Variants in CDC20B observed in about 807,000 individuals in gnomAD.
CDC20B encodes cell division cycle protein 20 homolog B.
CDC20B carries 58 observed loss-of-function variants against 64.1 expected under a neutral mutation model. The observed-to-expected ratio is 0.90, with a 90% CI of 0.73 to 1.13. CDC20B has a LOEUF of 1.13. Ranked by LOEUF, CDC20B falls within the 50% of genes most tolerant of loss-of-function variation. The pLI, the probability that CDC20B is intolerant of heterozygous loss-of-function variation, is 0.00. For synonymous variants in CDC20B, 243 were observed against 230.6 expected (o/e 1.05, Z -0.49); for missense variants, 597 against 633.0 (o/e 0.94, Z 0.61).
chr5:55,131,239 TA>T (rs1561289527), intron 6 of CDC20B, among the ~76,000 whole-genome samples: 1 of 152,232 alleles, frequency 6.6e-6, no homozygotes, highest in Non-Finnish European at 1.5e-5. Flanking sequence ...AAGATGTTTA[TA>T]TATTGTGTGA....
At chr5:55,142,080 T>C (rs542765282) in intron 4 of CDC20B, among the ~76,000 whole-genome samples, 1 of 152,298 alleles carries the variant, frequency 6.6e-6, no homozygotes, top group Admixed American at 6.5e-5. Flanking sequence ...CACAGCAAGG[T>C]TTAGCAGGCG....
At chr5:55,160,419 T>C in intron 2 of CDC20B, 14 of 1,574,930 alleles carry the variant, frequency 8.9e-6, no homozygotes, top group Non-Finnish European at 1.2e-5. Context: ...ATCTGATTTT[T>C]ATTGTTATCA....
intron 2 of CDC20B, chr5:55,160,134 A>C: frequency 7.5e-7 from 1 of 1,326,818 alleles, no homozygotes; most frequent in Non-Finnish European, 1.1e-6. Context: ...AGCCGGTTTC[A>C]AGTTTCAGCT....
chr5:55,135,900 T>C (rs1001071504), intron 5 of CDC20B: 2 of 151,896 alleles, frequency 1.3e-5, no homozygotes, highest in African/African-American at 2.4e-5. Context: ...TAAAAGTGTG[T>C]ATCTATGTGT....
intron 2 of CDC20B, among the ~76,000 whole-genome samples, chr5:55,152,544 A>G (rs1743695961): frequency 6.6e-6 from 1 of 152,172 alleles, no homozygotes; most frequent in Admixed American, 6.5e-5. Context: ...AAGGATATAG[A>G]GCTAATAGGC....
At chr5:55,117,589 C>T (rs1012265993) in intron 11 of CDC20B, among the ~76,000 whole-genome samples, 3 of 152,024 alleles carry the variant, frequency 2.0e-5, no homozygotes, top group African/African-American at 2.4e-5. Flanking sequence ...ATGTCAAGAG[C>T]GCTGTTCTTG....
At chr5:55,164,438 G>T in intron 2 of CDC20B, 1 of 316,028 alleles carries the variant, frequency 3.2e-6, no homozygotes, top group Non-Finnish European at 5.7e-6. Flanking sequence ...AAGTGGTAAT[G>T]AATGTTCCCA....
At chr5:55,124,253 G>A (rs910469834) in intron 9 of CDC20B, among the ~76,000 whole-genome samples, 1 of 152,040 alleles carries the variant, frequency 6.6e-6, no homozygotes, top group African/African-American at 2.4e-5. Flanking sequence ...CCATCTCTCT[G>A]GCCACAATTA....
Position 55,143,793 on chromosome 5 carries a change from G to A in CDC20B, c.356-150C>T, listed in dbSNP as rs1437652980. 3.1e-5 allele frequency: 21 copies of A among 675,950 alleles called. No individual in the cohort carries two copies. In the East Asian group the frequency reaches 6.1e-4, roughly 19 times the overall value. The allele number at this position is 675,950 out of a possible 1,614,324, so 41.9% of individuals were successfully genotyped here. On this transcript the variant is annotated intron_variant, in intron 3 of 11. Transcript: ENST00000381375. Reference sequence around the variant, plus strand: ...AAAGTCCATTGCAGAGAGCAGGACAGAGTGAAAAAGCCCAGGCTCTCGTCG... The same window carrying A: ...AAAGTCCATTGCAGAGAGCAGGACAAAGTGAAAAAGCCCAGGCTCTCGTCG...
chr5:55,147,884 G>A (rs377005254), intron 2 of CDC20B, among the ~76,000 whole-genome samples: 4 of 152,160 alleles, frequency 2.6e-5, no homozygotes, highest in African/African-American at 9.7e-5. Flanking sequence ...TTCACAGATG[G>A]GGAAGCTGAG....
chr5:55,140,886 T>C (rs569017019), intron 4 of CDC20B, among the ~76,000 whole-genome samples: 5 of 152,322 alleles, frequency 3.3e-5, no homozygotes, highest in Middle Eastern at 3.4e-3. Context: ...CTGACACTCT[T>C]ACATCCAACT....
chr5:55,128,930 G>C (rs751695343), intron 6 of CDC20B, among the ~76,000 whole-genome samples: 2 of 152,162 alleles, frequency 1.3e-5, no homozygotes, highest in Non-Finnish European at 2.9e-5. Context: ...TAACGGATCA[G>C]TAAAAGTTAA....
rs761879388 is a variant in CDC20B, at chr5:55,146,650, A to G, written c.333T>C (p.Pro111=). The change falls in exon 3 of 12, where the codon CCT becomes CCC. Residue 111 remains proline, a synonymous_variant. Transcript: ENST00000381375. ...EASGSVLKTP[P]EKETLTLGSR... ...CACCTAGAGTCAAGGTCTCTTTCTC[A>G]GGCGGTGTCTTCAGCACTGATCCGG... 2.5e-6 allele frequency: 4 copies of G among 1,614,032 alleles called. No individual in the cohort carries two copies. The highest frequency in any genetic ancestry group is 3.4e-6 in the Non-Finnish European group (4 of 1,179,934).
chr5:55,135,251 A>G (rs1476223476), intron 5 of CDC20B, among the ~76,000 whole-genome samples: 1 of 152,100 alleles, frequency 6.6e-6, no homozygotes, highest in Non-Finnish European at 1.5e-5. Context: ...ATATATATAC[A>G]GAGAGAGAAA....
chr5:55,169,642 T>A (rs1007535762), intron 2 of CDC20B, among the ~76,000 whole-genome samples: 9 of 152,154 alleles, frequency 5.9e-5, no homozygotes, highest in African/African-American at 1.9e-4. Context: ...TTGAGGTAGA[T>A]CTTCCAAAAA....
chr5:55,115,967 T>C (rs1442838368), intron 11 of CDC20B, among the ~76,000 whole-genome samples: 7 of 152,168 alleles, frequency 4.6e-5, no homozygotes, highest in Admixed American at 2.0e-4. Context: ...CCTGGGTGTG[T>C]TGGGACATAA....
At chr5:55,124,303 G>A (rs1742822869) in intron 9 of CDC20B, among the ~76,000 whole-genome samples, 1 of 152,126 alleles carries the variant, frequency 6.6e-6, no homozygotes, top group African/African-American at 2.4e-5. Context: ...GCAGACTAGA[G>A]TCCTCCCTGG....
intron 2 of CDC20B, among the ~76,000 whole-genome samples, chr5:55,163,837 A>G (rs567895807): frequency 6.7e-6 from 1 of 149,468 alleles, no homozygotes; most frequent in East Asian, 2.0e-4. Context: ...TACTAAGATC[A>G]CATACTAGAT....
chr5:55,116,524 C>A (rs1256604066), intron 11 of CDC20B, among the ~76,000 whole-genome samples: 3 of 152,232 alleles, frequency 2.0e-5, no homozygotes, highest in African/African-American at 7.2e-5. Context: ...ACACAGCTCA[C>A]TGCAGCCTCA....
Sources: gnomAD v4.1 joint callset for allele counts (sites outside exome capture counted in the v4.1 genomes callset) on GRCh38, gnomAD v4.1.1 for gene constraint, MANE v1.5 for transcripts, NCBI Gene and HGNC (gene_info 2026-07-23, HGNC 2026-07-21) for gene names.